The following PPM1E variants were observed in gnomAD, a reference collection of about 807,000 sequenced individuals.
PPM1E encodes protein phosphatase, Mg2+/Mn2+ dependent 1E.
In PPM1E, 20 loss-of-function variants were observed where a neutral mutation model predicts 65.9. That is an observed-to-expected ratio of 0.30 (90% CI 0.21 to 0.44). The LOEUF (loss-of-function observed/expected upper bound fraction) is 0.44. Ranked by LOEUF, PPM1E falls within the 20% of genes least tolerant of loss-of-function variation. The probability of loss-of-function intolerance (pLI) is 1.00; values close to 1 mark genes in which losing one functional copy is unlikely to be tolerated. For missense variants in PPM1E, 713 were observed against 953.1 expected (o/e 0.75, Z 3.32); for synonymous variants, 352 against 374.9 (o/e 0.94, Z 0.70).
chr17:58,889,711 C>T (rs2051323019), intron 1 of PPM1E, among the ~76,000 whole-genome samples: 1 of 152,220 alleles, frequency 6.6e-6, no homozygotes, highest in Admixed American at 6.5e-5. Context: ...AATTATGCCA[C>T]ATCTCCTTCT....
At chr17:58,913,891 A>C (rs1265504953) in intron 1 of PPM1E, among the ~76,000 whole-genome samples, 1 of 152,226 alleles carries the variant, frequency 6.6e-6, no homozygotes, top group Non-Finnish European at 1.5e-5. Flanking sequence ...CTCTGGCTAC[A>C]TGGCTTCTGA....
intron 1 of PPM1E, among the ~76,000 whole-genome samples, chr17:58,766,196 G>GTTTTTTTTTTTTTTTTTT (rs10604459): frequency 3.1e-5 from 2 of 65,134 alleles, no homozygotes; most frequent in Non-Finnish European, 5.7e-5. Flanking sequence ...TGTAATTTCT[G>GTTTTTTTTTTTTTTTTTT]TTTTTTTTTT....
At chr17:58,941,338 C>T (rs1337016775) in intron 1 of PPM1E, among the ~76,000 whole-genome samples, 1 of 152,138 alleles carries the variant, frequency 6.6e-6, no homozygotes, top group Admixed American at 6.5e-5. Context: ...TCAGTATATA[C>T]TTACCTACAT....
chr17:58,847,528 A>T (rs942323007), intron 1 of PPM1E, among the ~76,000 whole-genome samples: 54 of 152,174 alleles, frequency 3.5e-4, no homozygotes, highest in Admixed American at 1.1e-3. Flanking sequence ...TAAATAGGGA[A>T]TCCTTTCCCC....
chr17:58,772,966 TTCTC>T (rs1211169673), intron 1 of PPM1E, among the ~76,000 whole-genome samples: 1 of 127,942 alleles, frequency 7.8e-6, no homozygotes, highest in Non-Finnish European at 1.7e-5. Flanking sequence ...TAAAATATCT[TTCTC>T]TCTCTTTTTT....
intron 1 of PPM1E, among the ~76,000 whole-genome samples, chr17:58,868,613 A>T: frequency 7.0e-6 from 1 of 142,838 alleles, no homozygotes; most frequent in Non-Finnish European, 1.5e-5. Flanking sequence ...AGATTGGGTC[A>T]GTTTTGGAGT....
At chr17:58,934,980 C>T (rs1308189941) in intron 1 of PPM1E, among the ~76,000 whole-genome samples, 3 of 148,626 alleles carry the variant, frequency 2.0e-5, no homozygotes, top group South Asian at 4.3e-4. Context: ...GGGCCGGGCG[C>T]GGTGGCTCAC....
chr17:58,856,085 T>C (rs1290193487), intron 1 of PPM1E, among the ~76,000 whole-genome samples: 2 of 152,210 alleles, frequency 1.3e-5, no homozygotes, highest in Non-Finnish European at 2.9e-5. Flanking sequence ...GTATATCTTA[T>C]CTGTGAAACT....
intron 1 of PPM1E, among the ~76,000 whole-genome samples, chr17:58,826,636 A>G (rs916213440): frequency 4.6e-5 from 7 of 151,672 alleles, no homozygotes; most frequent in Non-Finnish European, 1.0e-4. Flanking sequence ...TTACTCTTTT[A>G]TTTTTTTTAG....
At chr17:58,873,289 C>G (rs1486800171) in intron 1 of PPM1E, among the ~76,000 whole-genome samples, 3 of 152,044 alleles carry the variant, frequency 2.0e-5, no homozygotes, top group African/African-American at 7.2e-5. Flanking sequence ...CTATTTAGTT[C>G]TGTATTATAC....
intron 1 of PPM1E, among the ~76,000 whole-genome samples, chr17:58,879,285 T>C (rs2051162795): frequency 1.3e-5 from 2 of 149,442 alleles, no homozygotes; most frequent in East Asian, 3.9e-4. Context: ...CTATATATAA[T>C]ATTTATAATA....
chr17:58,865,361 G>A (rs2050989853), intron 1 of PPM1E, among the ~76,000 whole-genome samples: 1 of 151,634 alleles, frequency 6.6e-6, no homozygotes, highest in Admixed American at 6.6e-5. Flanking sequence ...ACTCCAGCCT[G>A]GTGACAGAGT....
intron 1 of PPM1E, among the ~76,000 whole-genome samples, chr17:58,879,930 G>A (rs1300916639): frequency 6.6e-6 from 1 of 152,110 alleles, no homozygotes; most frequent in Non-Finnish European, 1.5e-5. Flanking sequence ...CTGGGTCTGA[G>A]AATTAAATTG....
chr17:58,761,262 T>G (rs1471635632), intron 1 of PPM1E, among the ~76,000 whole-genome samples: 1 of 152,170 alleles, frequency 6.6e-6, no homozygotes, highest in Non-Finnish European at 1.5e-5. Flanking sequence ...AAGGGACCCA[T>G]CATGAATAGT....
Position 58,816,746 on chromosome 17 carries a change from AT to A in PPM1E, c.464+60286del, listed in dbSNP as rs1168623202. On this transcript the variant is annotated intron_variant, in intron 1 of 6. Transcript: ENST00000308249. ...GTAGCATGTATCAGAATATAAATAT[AT>A]ATATATATATATATATATATATATA... 3.2e-3 allele frequency among the ~76,000 whole-genome samples: 32 copies of A among 10,138 alleles called. 1 individual carries two copies. The highest frequency in any genetic ancestry group is 0.014 in the East Asian group (5 of 346). The allele number at this position is 10,138 out of a possible 152,430, so 6.7% of individuals were successfully genotyped here. A position where few individuals can be genotyped will look rare whatever the true frequency, so the allele number is the denominator to read the frequency against.
At chr17:58,877,276 T>C (rs1447679989) in intron 1 of PPM1E, among the ~76,000 whole-genome samples, 2 of 152,188 alleles carry the variant, frequency 1.3e-5, no homozygotes, top group African/African-American at 2.4e-5. Flanking sequence ...TCATTGTTAA[T>C]GAAAAGGATA....
chr17:58,786,088 C>A (rs2050097791), intron 1 of PPM1E, among the ~76,000 whole-genome samples: 1 of 150,858 alleles, frequency 6.6e-6, no homozygotes. Flanking sequence ...AATCCCGGCT[C>A]ACTTCAAGCT....
chr17:58,944,227 GT>G (rs1376518314), intron 1 of PPM1E, among the ~76,000 whole-genome samples: 2 of 151,958 alleles, frequency 1.3e-5, no homozygotes, highest in African/African-American at 4.8e-5. Context: ...AAAGTCAGTA[GT>G]TTTTTTATTA....
rs560563161 is a variant in PPM1E at position 58,940,755 on chromosome 17, G to C, written c.465-14894G>C. 9.1e-4 allele frequency among the ~76,000 whole-genome samples: 139 copies of C among 152,124 alleles called. 1 individual carries two copies. The highest frequency in any genetic ancestry group is 9.1e-3 in the Admixed American group (139 of 15,270). ...CAGCCTCACTCCATTACCCCACCCAGGCTGGAGTGCAGTGGTGTGATCGGG... is the reference window on the plus strand; with the variant it reads ...CAGCCTCACTCCATTACCCCACCCACGCTGGAGTGCAGTGGTGTGATCGGG... On this transcript the variant is annotated intron_variant, in intron 1 of 6. Transcript: ENST00000308249.
Sources: allele counts gnomAD v4.1 joint callset (sites outside exome capture counted in the v4.1 genomes callset), GRCh38; gene constraint gnomAD v4.1.1; transcripts MANE v1.5; gene names NCBI Gene and HGNC (gene_info 2026-07-23, HGNC 2026-07-21).